RORB: variants seen among roughly 807,000 people sequenced by gnomAD.
RORB encodes the protein nuclear receptor ROR-beta.
Under a neutral mutation model 59.1 loss-of-function variants are expected in RORB, and 6 were observed. The observed-to-expected ratio is 0.10, with a 90% CI of 0.06 to 0.20. RORB has a LOEUF of 0.20. Ranked by LOEUF, RORB falls within the 10% of genes least tolerant of loss-of-function variation. RORB has a pLI of 1.00. For synonymous variants in RORB, 215 were observed against 204.5 expected, an observed-to-expected ratio of 1.05 and a Z score of -0.44; for missense variants, 320 against 560.5, an observed-to-expected ratio of 0.57 and a Z score of 4.33.
At chr9:74,577,530 CTG>C (rs1226851517) in intron 1 of RORB, among the ~76,000 whole-genome samples, 2 of 152,014 alleles carry the variant, frequency 1.3e-5, no homozygotes, top group Non-Finnish European at 2.9e-5. Context: ...TTGGAAGAAA[CTG>C]TGAGCTATGG....
chr9:74,534,214 GT>G (rs1826288904), intron 1 of RORB, among the ~76,000 whole-genome samples: 1 of 152,020 alleles, frequency 6.6e-6, no homozygotes, highest in African/African-American at 2.4e-5. Context: ...AGCTAAGAGG[GT>G]TCTGAGAAAG....
intron 8 of RORB, among the ~76,000 whole-genome samples, chr9:74,669,089 CT>C (rs1230467313): frequency 4.8e-4 from 73 of 152,268 alleles, no homozygotes; most frequent in African/African-American, 1.7e-3. Flanking sequence ...CCTCTACTAG[CT>C]CTAAAATGCA....
intron 1 of RORB, among the ~76,000 whole-genome samples, chr9:74,595,864 G>A (rs973246962): frequency 6.6e-6 from 1 of 152,156 alleles, no homozygotes; most frequent in African/African-American, 2.4e-5. Context: ...AAATTACCAA[G>A]CACGTTGCGT....
intron 1 of RORB, among the ~76,000 whole-genome samples, chr9:74,608,111 C>T (rs1199731912): frequency 2.0e-5 from 3 of 152,080 alleles, no homozygotes; most frequent in African/African-American, 7.2e-5. Context: ...CTAGAGTATC[C>T]GCTCAACAAA....
chr9:74,618,667 C>T (rs1422492360), intron 1 of RORB, among the ~76,000 whole-genome samples: 2 of 152,044 alleles, frequency 1.3e-5, no homozygotes, highest in Admixed American at 6.6e-5. Flanking sequence ...GTCTCTACTG[C>T]GTCTATCAAT....
intron 1 of RORB, among the ~76,000 whole-genome samples, chr9:74,504,368 A>G (rs1825840370): frequency 6.6e-6 from 1 of 152,104 alleles, no homozygotes; most frequent in Admixed American, 6.5e-5. Context: ...ATTAAATGAT[A>G]CATTTTGTGT....
intron 9 of RORB, among the ~76,000 whole-genome samples, chr9:74,673,249 C>T (rs140515428): frequency 3.3e-5 from 5 of 152,204 alleles, no homozygotes; most frequent in East Asian, 1.9e-4. Flanking sequence ...TGCTTGGTAG[C>T]GTATATGCAT....
intron 4 of RORB, among the ~76,000 whole-genome samples, chr9:74,647,422 A>G (rs959358671): frequency 6.6e-6 from 1 of 152,206 alleles, no homozygotes; most frequent in Non-Finnish European, 1.5e-5. Context: ...GCCAAACAAC[A>G]TGCTTTTTTA....
intron 1 of RORB, among the ~76,000 whole-genome samples, chr9:74,530,627 A>G (rs1185073206): frequency 2.0e-5 from 3 of 151,990 alleles, no homozygotes; most frequent in African/African-American, 7.2e-5. Flanking sequence ...CCTGGTAGGT[A>G]TGAATTAAGA....
intron 4 of RORB, among the ~76,000 whole-genome samples, chr9:74,646,829 T>C (rs1312656431): frequency 6.6e-6 from 1 of 152,062 alleles, no homozygotes; most frequent in Non-Finnish European, 1.5e-5. Context: ...CGAAAATAAA[T>C]AGTCACGACA....
chr9:74,539,953 C>G lies in RORB; in HGVS notation c.7+41970C>G, dbSNP rs1587350026. On this transcript the variant is annotated intron_variant, in intron 1 of 9. Coordinates refer to ENST00000376896, the MANE Select transcript of RORB (RefSeq NM_006914.4). ...CTAAGTCATCTCCCAGACAAAAAAGCAATCATCATTGTCAAATTTAAAAGG... is the reference window on the plus strand; with the variant it reads ...CTAAGTCATCTCCCAGACAAAAAAGGAATCATCATTGTCAAATTTAAAAGG... 2.0e-5 allele frequency among the ~76,000 whole-genome samples: 3 copies of G among 150,040 alleles called. No individual in the cohort carries two copies. In the East Asian group the frequency reaches 5.9e-4, roughly 29 times the overall value.
chr9:74,532,009 TA>T (rs1443157523), intron 1 of RORB, among the ~76,000 whole-genome samples: 1 of 151,950 alleles, frequency 6.6e-6, no homozygotes, highest in African/African-American at 2.4e-5. Context: ...TGTTTCTTTT[TA>T]TCTAAGCTGA....
At chr9:74,684,910 C>T (rs573565799) in intron 9 of RORB, among the ~76,000 whole-genome samples, 4 of 152,284 alleles carry the variant, frequency 2.6e-5, no homozygotes, top group Admixed American at 2.6e-4. Flanking sequence ...AGCTAAAAAT[C>T]TAATATTCAT....
At chr9:74,587,084 G>C (rs1269222546) in intron 1 of RORB, among the ~76,000 whole-genome samples, 1 of 152,162 alleles carries the variant, frequency 6.6e-6, no homozygotes, top group Non-Finnish European at 1.5e-5. Flanking sequence ...TCTAAACTGA[G>C]AGTAATACTA....
At position 74,692,632 on chromosome 9, in the gene RORB, A is replaced by T. The variant is rs1201882843; in HGVS notation, c.*7014A>T. ...ACTGTTGGCAATGCATAAAAGTTGC[A>T]TTGCCACAAGTATGTAAAATAAAAA... On this transcript the variant is annotated 3_prime_UTR_variant, in exon 10 of 10. Transcript: ENST00000376896. 6.6e-6 allele frequency: 1 copy of T among 152,242 alleles called. No homozygotes were observed. The highest frequency in any genetic ancestry group is 2.4e-5 in the African/African-American group (1 of 41,472). The allele number at this position is 152,242 out of a possible 1,614,324, so 9.4% of individuals were successfully genotyped here. A position where few individuals can be genotyped will look rare whatever the true frequency, so the allele number is the denominator to read the frequency against.
At chr9:74,538,474 T>C (rs1191572540) in intron 1 of RORB, among the ~76,000 whole-genome samples, 1 of 152,064 alleles carries the variant, frequency 6.6e-6, no homozygotes, top group African/African-American at 2.4e-5. Context: ...GGGAAAAAAT[T>C]TCAAGAGATT....
intron 1 of RORB, among the ~76,000 whole-genome samples, chr9:74,557,826 T>C (rs1238521800): frequency 2.0e-5 from 3 of 152,240 alleles, no homozygotes; most frequent in Non-Finnish European, 2.9e-5. Flanking sequence ...TCCTTTTTTT[T>C]GGTTTTGCTT....
At chr9:74,548,948 T>C (rs529814616) in intron 1 of RORB, among the ~76,000 whole-genome samples, 1 of 152,342 alleles carries the variant, frequency 6.6e-6, no homozygotes, top group African/African-American at 2.4e-5. Flanking sequence ...TGGATATTTA[T>C]GTTCTTTTAA....
chr9:74,653,840 G>A (rs1327912791), intron 4 of RORB, among the ~76,000 whole-genome samples: 1 of 151,944 alleles, frequency 6.6e-6, no homozygotes, highest in Admixed American at 6.6e-5. Flanking sequence ...CCGCTTTGGT[G>A]GAAAAAAAAC....
Sources: allele counts gnomAD v4.1 joint callset (sites outside exome capture counted in the v4.1 genomes callset), GRCh38; gene constraint gnomAD v4.1.1; transcripts MANE v1.5; gene names NCBI Gene and HGNC (gene_info 2026-07-23, HGNC 2026-07-21).